SETMAR: variants seen among roughly 807,000 people sequenced by gnomAD.
The protein encoded by SETMAR is histone-lysine N-methyltransferase SETMAR.
Under a neutral mutation model 58.4 loss-of-function variants are expected in SETMAR, and 44 were observed. The ratio of observed to expected loss-of-function variants is 0.75; its 90% CI spans 0.59 to 0.97. SETMAR has a LOEUF of 0.97. SETMAR is among the 50% of genes least tolerant of loss of function. The pLI is 0.00. For synonymous variants in SETMAR, 332 were observed against 307.4 expected (o/e 1.08, Z -0.84); for missense variants, 903 against 840.2 (o/e 1.07, Z -0.92).
intron 1 of SETMAR, among the ~76,000 whole-genome samples, chr3:4,305,989 G>A (rs1698172477): frequency 6.6e-6 from 1 of 152,190 alleles, no homozygotes; most frequent in Non-Finnish European, 1.5e-5. Context: ...AAAAACCACT[G>A]TTCTAGTCCA....
In SETMAR at chr3:4,303,810, C is replaced by T. The variant is rs534914145; in HGVS notation, c.156+284C>T. 2.2e-4 allele frequency: 300 copies of T among 1,390,938 alleles called. 2 individuals are homozygous for T. The South Asian group carries it at 3.5e-3, about 16-fold the overall frequency. The allele number at this position is 1,390,938 out of a possible 1,614,324, so 86.2% of individuals were successfully genotyped here. On this transcript the variant is annotated intron_variant, in intron 1 of 2. Transcript: ENST00000358065. ...TTTTTGTCCAGTCCTGTCCTCAGAA[C>T]TCAAGGAGGCATCACGGGGGGAGTC...
At chr3:4,314,587 C>T (rs1698560273) in intron 2 of SETMAR, among the ~76,000 whole-genome samples, 1 of 151,978 alleles carries the variant, frequency 6.6e-6, no homozygotes, top group Non-Finnish European at 1.5e-5. Context: ...TCATTATATA[C>T]TTGGCTGTAC....
At chr3:4,312,089 C>CTTA in intron 1 of SETMAR, among the ~76,000 whole-genome samples, 1 of 152,102 alleles carries the variant, frequency 6.6e-6, no homozygotes, top group East Asian at 1.9e-4. Context: ...ATTAGAATTT[C>CTTA]TTTACAAGTG....
chr3:4,310,572 T>C (rs921334706), intron 1 of SETMAR, among the ~76,000 whole-genome samples: 5 of 152,208 alleles, frequency 3.3e-5, no homozygotes, highest in Non-Finnish European at 7.3e-5. Flanking sequence ...TATCTGCAGT[T>C]CATTCGGAAT....
chr3:4,304,464 G>A (rs138505266), intron 1 of SETMAR, among the ~76,000 whole-genome samples: 1,703 of 152,264 alleles, frequency 0.011, 14 homozygotes, highest in Non-Finnish European at 0.016. Context: ...TTATCCCTCC[G>A]ACCTTGGCCT....
chr3:4,303,705 C>T, intron 1 of SETMAR, 179 bp downstream of exon 1: 5 of 1,502,896 alleles, frequency 3.3e-6, no homozygotes, highest in Non-Finnish European at 4.5e-6. Context: ...TGTTGACCCA[C>T]GGCATCACCT....
chr3:4,316,661 T>A lies in SETMAR; in HGVS notation c.1470T>A (p.Asp490Glu), dbSNP rs777663660. ...ILRNHNEPFL[D>E]RIVTCDEKWI... ...GCAACCACAACGAACCATTTCTCGA[T>A]CGGATTGTGACGTGTGATGAAAAGT... The change falls in exon 3 of 3, where the codon GAT becomes GAA. Residue 490 changes from aspartate (D) to glutamate (E), a missense_variant. Asp to Glu is a conservative substitution (Grantham distance 45). Coordinates refer to ENST00000358065, the MANE Select transcript of SETMAR (RefSeq NM_006515.4). 9.0e-6 allele frequency: 14 copies of A among 1,551,224 alleles called. No homozygotes were observed. Among genetic ancestry groups the A allele is most frequent in the Non-Finnish European group, 1.2e-5 (14 of 1,146,772 alleles).
At chr3:4,312,616 C>T (rs1437155649) in intron 1 of SETMAR, among the ~76,000 whole-genome samples, 1 of 150,376 alleles carries the variant, frequency 6.6e-6, no homozygotes, top group Admixed American at 6.6e-5. Context: ...GAAGCTGAGG[C>T]AGGAGAATCG....
chr3:4,316,592 T>TC lies in SETMAR; in HGVS notation c.1402dup (p.Gln468ProfsTer7). ...GGGTGCCTCATGAGCTGACTGAAAA[T>TC]CAAAAAAATCGTCGTTTTGAAGTGT... is the stretch of plus-strand genomic sequence containing the variant. On this transcript the variant is annotated frameshift_variant, in exon 3 of 3. Transcript: ENST00000358065. LOFTEE classifies it high-confidence loss of function. 6.4e-7 allele frequency: 1 copy of TC among 1,551,326 alleles called. No individual in the cohort carries two copies. Among genetic ancestry groups the TC allele is most frequent in the Non-Finnish European group, 8.7e-7 (1 of 1,146,850 alleles).
At position 4,303,496 on chromosome 3, in the gene SETMAR, G is replaced by A. The variant is rs1559210762; in HGVS notation, c.126G>A (p.Trp42Ter). ...CGQENLPVGAWPPGAAPAPFQ... is the reference protein window; with the variant it reads ...CGQENLPVGA ...AGGAAAACTTGCCGGTGGGCGCGTGGCCCCCGGGGGCCGCGCCGGCGCCCT... is the reference window on the plus strand; with the variant it reads ...AGGAAAACTTGCCGGTGGGCGCGTGACCCCCGGGGGCCGCGCCGGCGCCCT... Residue 42 changes from tryptophan to a stop codon, truncating the protein, a stop_gained, in exon 1 of 3, where the codon TGG (tryptophan) becomes TGA (stop). Coordinates refer to ENST00000358065, the MANE Select transcript of SETMAR (RefSeq NM_006515.4). LOFTEE classifies it high-confidence loss of function. 3 of 1,463,292 alleles carry A rather than the reference G, an allele frequency of 2.1e-6. No individual in the cohort carries two copies. The highest frequency in any genetic ancestry group is 2.7e-6 in the Non-Finnish European group (3 of 1,113,966). 90.6% of individuals were successfully genotyped at this position (1,463,292 alleles called of 1,614,324 possible).
In SETMAR at chr3:4,316,362, A is replaced by C. The variant is rs1339993017; in HGVS notation, c.1171A>C (p.Lys391Gln). Residue 391 changes from lysine to glutamine, a missense_variant, in exon 3 of 3, where the codon AAG becomes CAG. Transcript: ENST00000358065. ...ANERTVQWWF[K>Q]KFCKGDESLE... ...CGAACGTACAGTGCAGTGGTGGTTC[A>C]AGAAGTTTTGCAAAGGAGATGAGAG... is the stretch of plus-strand genomic sequence containing the variant. 1 of 1,539,352 alleles carries C rather than the reference A, an allele frequency of 6.5e-7. No individual in the cohort carries two copies. The highest frequency in any genetic ancestry group is 1.4e-5 in the African/African-American group (1 of 73,054).
In SETMAR at chr3:4,313,750, T is replaced by C. The variant is rs144700571; in HGVS notation, c.1009T>C (p.Leu337=). Residue 337 remains leucine, a synonymous_variant, in exon 2 of 3, where the codon TTG becomes CTG. Coordinates refer to ENST00000358065, the MANE Select transcript of SETMAR (RefSeq NM_006515.4). The part of the protein sequence containing the change: ...APSVFPSCKR[L]TLETMKMMLD... Reference sequence around the variant, plus strand: ...TTCTGTGTTCCCCTCCTGCAAGCGATTGACCCTTGAGGTGAGTCTGTTCAG... The same window carrying C: ...TTCTGTGTTCCCCTCCTGCAAGCGACTGACCCTTGAGGTGAGTCTGTTCAG... 2,074 of 1,614,040 alleles carry C rather than the reference T, an allele frequency of 1.3e-3. 14 individuals are homozygous for C. The highest frequency in any genetic ancestry group is 8.4e-3 in the Middle Eastern group (51 of 6,058).
Position 4,303,502 on chromosome 3 carries a change from G to C in SETMAR, c.132G>C (p.Pro44=), listed in dbSNP as rs201457479. 13 of 1,454,172 alleles carry C rather than the reference G, an allele frequency of 8.9e-6. No individual in the cohort carries two copies. In the East Asian group the frequency reaches 3.3e-4, roughly 37 times the overall value. 90.1% of individuals were successfully genotyped at this position (1,454,172 alleles called of 1,614,324 possible). ...ACTTGCCGGTGGGCGCGTGGCCCCC[G>C]GGGGCCGCGCCGGCGCCCTTCCAGG... ...QENLPVGAWP[P]GAAPAPFQYT... is the part of the protein sequence containing the mutation. The change falls in exon 1 of 3, where the codon CCG becomes CCC. Residue 44 remains proline (P), a synonymous_variant. Coordinates refer to ENST00000358065, the MANE Select transcript of SETMAR (RefSeq NM_006515.4).
rs529506709 is a variant in SETMAR at position 4,306,535 on chromosome 3, C to G, written c.156+3009C>G. Among the ~76,000 whole-genome samples, 11 of 152,202 alleles carry G rather than the reference C, an allele frequency of 7.2e-5. No individual in the cohort carries two copies. In the East Asian group the frequency reaches 1.5e-3, roughly 21 times the overall value. ...AACTATCTCTGTATATGCACAGCTC[C>G]CAATAAAGTTAGAGTTACAAAAATA... On this transcript the variant is annotated intron_variant, in intron 1 of 2. Coordinates refer to ENST00000358065, the MANE Select transcript of SETMAR (RefSeq NM_006515.4).
chr3:4,314,765 G>A (rs1698569261), intron 2 of SETMAR, among the ~76,000 whole-genome samples: 1 of 152,146 alleles, frequency 6.6e-6, no homozygotes, highest in South Asian at 2.1e-4. Context: ...AAGCAGGGAT[G>A]TTGCAAAAAT....
At chr3:4,305,995 G>C (rs1014812345) in intron 1 of SETMAR, among the ~76,000 whole-genome samples, 2 of 152,180 alleles carry the variant, frequency 1.3e-5, no homozygotes, top group Admixed American at 1.3e-4. Context: ...CACTGTTCTA[G>C]TCCATTCTTA....
chr3:4,311,406 G>C (rs1368055273), intron 1 of SETMAR, among the ~76,000 whole-genome samples: 2 of 152,176 alleles, frequency 1.3e-5, no homozygotes, highest in Admixed American at 6.5e-5. Context: ...CCGTGCAACT[G>C]GTTCCTTGCA....
intron 1 of SETMAR, among the ~76,000 whole-genome samples, chr3:4,308,440 G>T (rs938187937): frequency 6.6e-6 from 1 of 152,188 alleles, no homozygotes; most frequent in Non-Finnish European, 1.5e-5. Context: ...AGAAACATAT[G>T]TTGTTTTAAA....
At position 4,303,457 on chromosome 3, in the gene SETMAR, T is replaced by A; in HGVS notation, c.87T>A (p.Asp29Glu). The A allele has an allele frequency of 6.5e-7, 1 of 1,537,850 alleles. No homozygotes were observed. The highest frequency in any genetic ancestry group is 2.1e-5 in the Admixed American group (1 of 47,102). The change falls in exon 1 of 3, where the codon GAT becomes GAA. Residue 29 changes from aspartate to glutamate, a missense_variant. Asp to Glu is a conservative substitution (Grantham distance 45). Transcript: ENST00000358065. ...EKPEAPTEQL[D>E]VACGQENLPV... Reference sequence around the variant, plus strand: ...CTGAGGCCCCGACTGAGCAGCTGGATGTCGCGTGCGGCCAGGAAAACTTGC... The same window carrying A: ...CTGAGGCCCCGACTGAGCAGCTGGAAGTCGCGTGCGGCCAGGAAAACTTGC...
Sources: allele counts gnomAD v4.1 joint callset (sites outside exome capture counted in the v4.1 genomes callset), GRCh38; gene constraint gnomAD v4.1.1; transcripts MANE v1.5; gene names NCBI Gene and HGNC (gene_info 2026-07-23, HGNC 2026-07-21).